FIGN: variants seen among roughly 807,000 people sequenced by gnomAD.
The protein encoded by FIGN is fidgetin.
In FIGN, 11 loss-of-function variants were observed where a neutral mutation model predicts 51.3. The observed-to-expected ratio is 0.21, with a 90% CI of 0.13 to 0.35. FIGN has a LOEUF of 0.35. Ranked by LOEUF, FIGN falls within the 10% of genes least tolerant of loss-of-function variation. FIGN has a pLI of 1.00. For synonymous variants in FIGN, 407 were observed against 363.2 expected, an observed-to-expected ratio of 1.12 and a Z score of -1.37; for missense variants, 857 against 943.6, an observed-to-expected ratio of 0.91 and a Z score of 1.20.
At position 163,660,815 on chromosome 2, in the gene FIGN, A is replaced by G. The variant is rs553640133; in HGVS notation, c.26-49009T>C. ...TGTATATAGATATACATATATATAC[A>G]TATACATATATATGTATACATATAT... is the stretch of plus-strand genomic sequence containing the variant. On this transcript the variant is annotated intron_variant, in intron 2 of 2. Coordinates refer to ENST00000333129, the MANE Select transcript of FIGN (RefSeq NM_018086.4). 1.2e-3 allele frequency among the ~76,000 whole-genome samples: 88 copies of G among 71,774 alleles called. 21 individuals carry two copies. The highest frequency in any genetic ancestry group is 3.0e-3 in the Admixed American group (15 of 4,934). 47.1% of individuals were successfully genotyped at this position (71,774 alleles called of 152,430 possible). A position where few individuals can be genotyped will look rare whatever the true frequency, so the allele number is the denominator to read the frequency against.
At chr2:163,634,279 G>T (rs1226926741) in intron 2 of FIGN, among the ~76,000 whole-genome samples, 1 of 151,934 alleles carries the variant, frequency 6.6e-6, no homozygotes, top group Non-Finnish European at 1.5e-5. Flanking sequence ...CATTTTTCAT[G>T]CCAAGTCTTC....
intron 2 of FIGN, among the ~76,000 whole-genome samples, chr2:163,632,797 A>C (rs902603960): frequency 1.4e-4 from 21 of 152,206 alleles, no homozygotes; most frequent in Non-Finnish European, 2.5e-4. Context: ...GAAGCATAAT[A>C]CAAAATGCTC....
intron 2 of FIGN, among the ~76,000 whole-genome samples, chr2:163,707,207 G>A (rs1318243337): frequency 6.6e-6 from 1 of 152,056 alleles, no homozygotes; most frequent in East Asian, 1.9e-4. Flanking sequence ...AAATTAGCTG[G>A]GTATGGTGGC....
chr2:163,699,098 A>T (rs1684367836), intron 2 of FIGN, among the ~76,000 whole-genome samples: 1 of 152,094 alleles, frequency 6.6e-6, no homozygotes, highest in African/African-American at 2.4e-5. Context: ...GGAATAAATG[A>T]GGGAAAGCAC....
intron 2 of FIGN, among the ~76,000 whole-genome samples, chr2:163,723,334 TA>T (rs1413659756): frequency 1.3e-5 from 2 of 152,092 alleles, no homozygotes; most frequent in African/African-American, 4.8e-5. Context: ...GTTGAGGAGA[TA>T]AAAAATAAAA....
chr2:163,729,786 A>C (rs2105368509), intron 2 of FIGN, among the ~76,000 whole-genome samples: 1 of 152,314 alleles, frequency 6.6e-6, no homozygotes, highest in Non-Finnish European at 1.5e-5. Context: ...ATTTATACAT[A>C]TATTTAACAT....
intron 2 of FIGN, among the ~76,000 whole-genome samples, 159 bp downstream of exon 2, chr2:163,734,744 G>C (rs1684988456): frequency 6.6e-6 from 1 of 151,350 alleles, no homozygotes; most frequent in South Asian, 2.1e-4. Context: ...GATAGCAAAA[G>C]AAAAAAAAGC....
intron 2 of FIGN, among the ~76,000 whole-genome samples, chr2:163,646,275 A>C (rs1683380700): frequency 6.6e-6 from 1 of 152,188 alleles, no homozygotes; most frequent in African/African-American, 2.4e-5. Context: ...CTAAAAGTAA[A>C]TTTACAAATT....
chr2:163,704,016 G>T (rs955646350), intron 2 of FIGN, among the ~76,000 whole-genome samples: 1 of 151,948 alleles, frequency 6.6e-6, no homozygotes, highest in African/African-American at 2.4e-5. Flanking sequence ...ATTCTGAATT[G>T]CTGTTTTGTT....
Position 163,607,648 on chromosome 2 carries a change from A to T in FIGN, c.*1904T>A, listed in dbSNP as rs1048289681. 1 of 152,488 alleles carries T rather than the reference A, an allele frequency of 6.6e-6. No individual in the cohort carries two copies. Among genetic ancestry groups the T allele is most frequent in the Non-Finnish European group, 1.5e-5 (1 of 68,000 alleles). 9.4% of individuals were successfully genotyped at this position (152,488 alleles called of 1,614,324 possible). ...TCATTGCATTTATTTAAATTTTTTT[A>T]AAAATGTACATCACTTATTTATTGA... On this transcript the variant is annotated 3_prime_UTR_variant, in exon 3 of 3. Transcript: ENST00000333129.
At chr2:163,727,480 C>T (rs906512013) in intron 2 of FIGN, among the ~76,000 whole-genome samples, 22 of 152,010 alleles carry the variant, frequency 1.4e-4, no homozygotes, top group Non-Finnish European at 1.5e-5. Context: ...CATTAAAGTG[C>T]CTATCAGTGT....
At chr2:163,621,727 G>T (rs186719655) in intron 2 of FIGN, among the ~76,000 whole-genome samples, 4 of 152,228 alleles carry the variant, frequency 2.6e-5, no homozygotes, top group African/African-American at 9.6e-5. Context: ...ACATTGTTAA[G>T]GTGCAGTGTG....
At chr2:163,679,055 T>G (rs996104235) in intron 2 of FIGN, among the ~76,000 whole-genome samples, 3 of 152,214 alleles carry the variant, frequency 2.0e-5, no homozygotes, top group Non-Finnish European at 2.9e-5. Context: ...TCTATACCAG[T>G]GCAATGGCAA....
chr2:163,678,354 G>A (rs1684007006), intron 2 of FIGN, among the ~76,000 whole-genome samples: 1 of 152,046 alleles, frequency 6.6e-6, no homozygotes, highest in African/African-American at 2.4e-5. Flanking sequence ...CCGAGTAGCT[G>A]GGATTACAGG....
intron 2 of FIGN, among the ~76,000 whole-genome samples, chr2:163,632,013 T>C (rs1236885605): frequency 6.6e-6 from 1 of 152,084 alleles, no homozygotes; most frequent in Non-Finnish European, 1.5e-5. Flanking sequence ...CCAGGCATAG[T>C]GGCGCGTGCC....
At chr2:163,614,387 G>A (rs911884509) in intron 2 of FIGN, among the ~76,000 whole-genome samples, 7 of 152,090 alleles carry the variant, frequency 4.6e-5, no homozygotes, top group Non-Finnish European at 7.4e-5. Flanking sequence ...TTCTAGTGTC[G>A]TGGGATTTAC....
chr2:163,712,096 A>G (rs1321680588), intron 2 of FIGN, among the ~76,000 whole-genome samples: 3 of 152,186 alleles, frequency 2.0e-5, no homozygotes, highest in African/African-American at 7.2e-5. Flanking sequence ...ACTACAAAGT[A>G]CAAAAGATGA....
chr2:163,660,750 TACAC>T lies in FIGN; in HGVS notation c.26-48948_26-48945del, dbSNP rs1255370735. Among the ~76,000 whole-genome samples the T allele has an allele frequency of 1.6e-3, 143 of 90,738 alleles. 25 individuals are homozygous for T. The highest frequency in any genetic ancestry group is 5.9e-3 in the African/African-American group (133 of 22,488). 59.5% of individuals were successfully genotyped at this position (90,738 alleles called of 152,430 possible). On this transcript the variant is annotated intron_variant, in intron 2 of 2. Coordinates refer to ENST00000333129, the MANE Select transcript of FIGN (RefSeq NM_018086.4). ...GTATACACATATACATATATATGTA[TACAC>T]ATATACATATATATGTATACACATA... is the stretch of plus-strand genomic sequence containing the variant.
At chr2:163,717,777 AT>A (rs1445270168) in intron 2 of FIGN, among the ~76,000 whole-genome samples, 3 of 152,084 alleles carry the variant, frequency 2.0e-5, no homozygotes, top group Non-Finnish European at 4.4e-5. Flanking sequence ...ATCGGGTGTA[AT>A]TTTTAATGAA....
Sources: allele counts gnomAD v4.1 joint callset (sites outside exome capture counted in the v4.1 genomes callset), GRCh38; gene constraint gnomAD v4.1.1; transcripts MANE v1.5; gene names NCBI Gene and HGNC (gene_info 2026-07-23, HGNC 2026-07-21).